DGKI: variants seen among roughly 807,000 people sequenced by gnomAD.
The protein encoded by DGKI is DAG kinase iota.
Under a neutral mutation model 147.5 loss-of-function variants are expected in DGKI, and 55 were observed. The observed-to-expected ratio is 0.37, with a 90% confidence interval of 0.30 to 0.47. DGKI has a LOEUF of 0.47. Among genes scored for constraint, DGKI ranks in the 20% least tolerant of loss-of-function variants. The probability of loss-of-function intolerance (pLI) is 1.00; values close to 1 mark genes in which losing one functional copy is unlikely to be tolerated. For synonymous variants in DGKI, 469 were observed against 477.1 expected, an observed-to-expected ratio of 0.98 and a Z score of 0.22; for missense variants, 1,007 against 1,323.8, an observed-to-expected ratio of 0.76 and a Z score of 3.71.
intron 1 of DGKI, among the ~76,000 whole-genome samples, chr7:137,835,440 C>G (rs569304000): frequency 6.6e-6 from 1 of 152,094 alleles, no homozygotes; most frequent in Non-Finnish European, 1.5e-5. Flanking sequence ...TTTCTGGAGA[C>G]CTGAAATGCA....
intron 6 of DGKI, among the ~76,000 whole-genome samples, chr7:137,642,679 T>C (rs1821672708): frequency 6.6e-6 from 1 of 152,128 alleles, no homozygotes. Context: ...TCATGAGTTA[T>C]CTCATCTGAT....
chr7:137,545,386 A>T (rs1016034306), intron 20 of DGKI, among the ~76,000 whole-genome samples: 1 of 152,212 alleles, frequency 6.6e-6, no homozygotes, highest in Admixed American at 6.5e-5. Flanking sequence ...ACATTAAGCA[A>T]AAACTCCTAA....
intron 15 of DGKI, among the ~76,000 whole-genome samples, chr7:137,579,609 AT>A (rs981849199): frequency 1.3e-5 from 2 of 152,116 alleles, no homozygotes; most frequent in Admixed American, 6.6e-5. Flanking sequence ...TAGTTATTTA[AT>A]TTTTTTACCA....
chr7:137,582,519 T>C (rs867450074), intron 14 of DGKI, among the ~76,000 whole-genome samples: 1 of 152,016 alleles, frequency 6.6e-6, no homozygotes, highest in Middle Eastern at 3.2e-3. Flanking sequence ...CCATTGGTTA[T>C]TGCTGGCCTA....
intron 1 of DGKI, among the ~76,000 whole-genome samples, chr7:137,746,177 A>G (rs1418964522): frequency 1.3e-5 from 2 of 152,148 alleles, no homozygotes; most frequent in African/African-American, 2.4e-5. Flanking sequence ...CCCAAAGCTT[A>G]AATTAAAATT....
intron 6 of DGKI, among the ~76,000 whole-genome samples, chr7:137,640,305 G>A (rs1355273112): frequency 6.6e-6 from 1 of 152,184 alleles, no homozygotes; most frequent in African/African-American, 2.4e-5. Flanking sequence ...GGAGCAGAGA[G>A]TAGAACAGTG....
intron 3 of DGKI, among the ~76,000 whole-genome samples, chr7:137,667,312 A>G (rs1183427683): frequency 6.6e-6 from 1 of 152,158 alleles, no homozygotes; most frequent in African/African-American, 2.4e-5. Context: ...TTTCAAGCAG[A>G]CAGACTTGAG....
At chr7:137,599,654 T>G (rs746544965) in intron 11 of DGKI, among the ~76,000 whole-genome samples, 169 bp downstream of exon 11, 17 of 152,048 alleles carry the variant, frequency 1.1e-4, no homozygotes, top group Non-Finnish European at 2.4e-4. Context: ...ACTAAGCCAA[T>G]AAAGAGTAGG....
At chr7:137,714,117 GTTT>G (rs1585400225) in intron 1 of DGKI, among the ~76,000 whole-genome samples, 1 of 152,022 alleles carries the variant, frequency 6.6e-6, no homozygotes, top group South Asian at 2.1e-4. Flanking sequence ...AAAGAAAGTA[GTTT>G]TTTTAATAGA....
At chr7:137,556,440 A>T (rs1585227616) in intron 19 of DGKI, among the ~76,000 whole-genome samples, 1 of 152,300 alleles carries the variant, frequency 6.6e-6, no homozygotes, top group East Asian at 1.9e-4. Context: ...ATTTCTACTG[A>T]TATCATCCCA....
chr7:137,842,105 C>T (rs1321955051), intron 1 of DGKI, among the ~76,000 whole-genome samples: 1 of 152,116 alleles, frequency 6.6e-6, no homozygotes. Context: ...TTAATCTGAT[C>T]CTACAGTCTT....
At chr7:137,551,585 GCCAAAAATTATGTTCATTTTCCGTCCCCT>G (rs377388143) in intron 20 of DGKI, among the ~76,000 whole-genome samples, 2 of 152,134 alleles carry the variant, frequency 1.3e-5, no homozygotes, top group Admixed American at 6.5e-5. Flanking sequence ...CTCAAAAGAT[GCCAAAAATTATGTTCATTTTCCGTCCCCT>G]TCTCCAACCC....
chr7:137,734,019 C>T (rs1382486779), intron 1 of DGKI, among the ~76,000 whole-genome samples: 3 of 152,078 alleles, frequency 2.0e-5, no homozygotes, highest in Non-Finnish European at 4.4e-5. Flanking sequence ...AACTGCATTC[C>T]TAATCTTCAT....
chr7:137,445,614 A>T (rs1278349651), intron 27 of DGKI, among the ~76,000 whole-genome samples: 1 of 152,212 alleles, frequency 6.6e-6, no homozygotes, highest in Non-Finnish European at 1.5e-5. Flanking sequence ...CTTAATTAAA[A>T]TGTGTTGAAT....
At chr7:137,469,089 G>T (rs77096473) in intron 24 of DGKI, among the ~76,000 whole-genome samples, 5,203 of 152,274 alleles carry the variant, frequency 0.034, 296 homozygotes, top group African/African-American at 0.12. Context: ...GATCTGAGCA[G>T]ATTTGAATGC....
chr7:137,484,314 T>C, intron 23 of DGKI, among the ~76,000 whole-genome samples: 1 of 152,094 alleles, frequency 6.6e-6, no homozygotes. Context: ...TAAAGGATGT[T>C]AAATTGGAAA....
At chr7:137,637,870 A>AT (rs952499122) in intron 6 of DGKI, among the ~76,000 whole-genome samples, 2 of 151,434 alleles carry the variant, frequency 1.3e-5, no homozygotes, top group South Asian at 4.2e-4. Flanking sequence ...ATTAAAGGAG[A>AT]TTTTTTTCTG....
At chr7:137,557,938 T>A (rs1221339074) in intron 19 of DGKI, among the ~76,000 whole-genome samples, 2 of 152,208 alleles carry the variant, frequency 1.3e-5, no homozygotes, top group Non-Finnish European at 2.9e-5. Context: ...CCTCTAGCCC[T>A]AGAGGTGACA....
intron 28 of DGKI, among the ~76,000 whole-genome samples, chr7:137,435,674 A>G (rs1585113424): frequency 6.6e-6 from 1 of 152,214 alleles, no homozygotes; most frequent in Admixed American, 6.5e-5. Context: ...CTTTATATTT[A>G]TGATAGCCCA....
Sources: allele counts gnomAD v4.1 joint callset (sites outside exome capture counted in the v4.1 genomes callset), GRCh38; gene constraint gnomAD v4.1.1; transcripts MANE v1.5; gene names NCBI Gene and HGNC (gene_info 2026-07-23, HGNC 2026-07-21).